Variants in PDSS2 observed in about 807,000 individuals in gnomAD.
PDSS2 encodes decaprenyl diphosphate synthase subunit 2, also known as all trans-polyprenyl-diphosphate synthase PDSS2.
Under a neutral mutation model 44.5 loss-of-function variants are expected in PDSS2, and 31 were observed. The observed-to-expected ratio is 0.70, with a 90% confidence interval of 0.52 to 0.94. The LOEUF is 0.94. Ranked by LOEUF, PDSS2 falls within the 40% of genes least tolerant of loss-of-function variation. The pLI is 0.00. For synonymous variants in PDSS2, 157 were observed against 180.3 expected (o/e 0.87, Z 1.03); for missense variants, 452 against 482.2 (o/e 0.94, Z 0.59).
intron 7 of PDSS2, among the ~76,000 whole-genome samples, chr6:107,178,563 A>C (rs181165464): frequency 6.6e-6 from 1 of 152,364 alleles, no homozygotes; most frequent in East Asian, 1.9e-4. Context: ...CATAAATCCT[A>C]GCACAGTCAT....
chr6:107,241,116 G>T (rs1293900668), intron 4 of PDSS2, among the ~76,000 whole-genome samples: 1 of 151,706 alleles, frequency 6.6e-6, no homozygotes, highest in Non-Finnish European at 1.5e-5. Context: ...AGACGTGGTG[G>T]TGTGTGCCTG....
chr6:107,211,439 G>GAGCT (rs1263201288), intron 5 of PDSS2, among the ~76,000 whole-genome samples: 2 of 151,798 alleles, frequency 1.3e-5, no homozygotes, highest in African/African-American at 4.8e-5. Flanking sequence ...TTTATATAAA[G>GAGCT]AGCTATAAGG....
chr6:107,353,145 A>T (rs1778482881), intron 1 of PDSS2, among the ~76,000 whole-genome samples: 1 of 152,160 alleles, frequency 6.6e-6, no homozygotes, highest in Non-Finnish European at 1.5e-5. Flanking sequence ...AAATACATCA[A>T]GAATAACTTT....
chr6:107,340,991 G>A (rs773441229), intron 1 of PDSS2, among the ~76,000 whole-genome samples: 2 of 152,184 alleles, frequency 1.3e-5, no homozygotes, highest in African/African-American at 2.4e-5. Context: ...GGAGGCATAA[G>A]TGGTTTGTCT....
rs566536049 is a variant in PDSS2, at chr6:107,170,884, A to G, written c.1042-16107T>C. On this transcript the variant is annotated intron_variant, in intron 7 of 7. Transcript: ENST00000369037. ...CACCTCAGCCTCCCAAAGTGCTGGG[A>G]TTACAGGCATGAGCCACTGCACCCA... is the stretch of plus-strand genomic sequence containing the variant. Among the ~76,000 whole-genome samples the G allele has an allele frequency of 5.9e-5, 9 of 151,922 alleles. No individual in the cohort carries two copies. The South Asian group carries it at 1.9e-3, about 32-fold the overall frequency.
chr6:107,326,579 G>A (rs984364694), intron 2 of PDSS2, among the ~76,000 whole-genome samples: 14 of 151,910 alleles, frequency 9.2e-5, no homozygotes, highest in South Asian at 4.2e-4. Context: ...TTGGCTGGGC[G>A]CAGTGGCTCC....
chr6:107,243,397 A>T (rs1274267353), intron 4 of PDSS2, among the ~76,000 whole-genome samples: 1 of 152,242 alleles, frequency 6.6e-6, no homozygotes, highest in Non-Finnish European at 1.5e-5. Context: ...GACATAAAAA[A>T]TACTTAAAAC....
At chr6:107,286,779 T>C (rs1776166899) in intron 2 of PDSS2, among the ~76,000 whole-genome samples, 1 of 152,062 alleles carries the variant, frequency 6.6e-6, no homozygotes, top group African/African-American at 2.4e-5. Context: ...GTGCGGTGGC[T>C]CACACCTGTA....
At chr6:107,326,590 G>A (rs1278261019) in intron 2 of PDSS2, among the ~76,000 whole-genome samples, 1 of 151,782 alleles carries the variant, frequency 6.6e-6, no homozygotes, top group African/African-American at 2.4e-5. Context: ...CAGTGGCTCC[G>A]CCTGTAATCC....
chr6:107,166,525 T>G (rs1291056726), intron 7 of PDSS2, among the ~76,000 whole-genome samples: 4 of 151,984 alleles, frequency 2.6e-5, no homozygotes, highest in Non-Finnish European at 1.5e-5. Flanking sequence ...CCACCACGCC[T>G]GGCTATTTTT....
intron 4 of PDSS2, among the ~76,000 whole-genome samples, chr6:107,231,142 T>C (rs930440445): frequency 1.3e-5 from 2 of 152,236 alleles, no homozygotes; most frequent in Non-Finnish European, 2.9e-5. Flanking sequence ...TGCTACTTTC[T>C]GCAAAGAGAC....
In PDSS2 at chr6:107,281,396, A is replaced by G. The variant is rs763912928; in HGVS notation, c.432-7169T>C. Among the ~76,000 whole-genome samples the G allele has an allele frequency of 3.3e-4, 50 of 152,186 alleles. 1 individual carries two copies. The highest frequency in any genetic ancestry group is 1.8e-4 in the Non-Finnish European group (12 of 68,030). Reference sequence around the variant, plus strand: ...TTAGAGTCTTGTTGTAAGTCTTGTTAGAGTCTTGTTATATGCAGCCAAATA... The same window carrying G: ...TTAGAGTCTTGTTGTAAGTCTTGTTGGAGTCTTGTTATATGCAGCCAAATA... On this transcript the variant is annotated intron_variant, in intron 2 of 7. Coordinates refer to ENST00000369037, the MANE Select transcript of PDSS2 (RefSeq NM_020381.4).
chr6:107,372,902 A>G (rs535051176), intron 1 of PDSS2, among the ~76,000 whole-genome samples: 1 of 152,234 alleles, frequency 6.6e-6, no homozygotes, highest in East Asian at 1.9e-4. Context: ...ATGTTTCTCA[A>G]TGTATACAGG....
At chr6:107,340,589 A>T (rs1349268167) in intron 1 of PDSS2, among the ~76,000 whole-genome samples, 2 of 152,242 alleles carry the variant, frequency 1.3e-5, no homozygotes, top group Non-Finnish European at 2.9e-5. Flanking sequence ...GTAGATTCAA[A>T]GTATGGTTAA....
rs185108580 is a variant in PDSS2, at chr6:107,417,323, T to C, written c.296+41667A>G. Among the ~76,000 whole-genome samples, 169 of 152,320 alleles carry C rather than the reference T, an allele frequency of 1.1e-3. 2 individuals are homozygous for C. Among genetic ancestry groups the C allele is most frequent in the African/African-American group, 4.0e-3 (165 of 41,566 alleles). On this transcript the variant is annotated intron_variant, in intron 1 of 7. Transcript: ENST00000369037. ...ATGACCAATATTGGCAAAGATATAG[T>C]GATACTAGTACTCTCATACATGCTG...
chr6:107,438,497 G>C lies in PDSS2; in HGVS notation c.296+20493C>G, dbSNP rs151196425. Among the ~76,000 whole-genome samples, 210 of 152,286 alleles carry C rather than the reference G, an allele frequency of 1.4e-3. 3 individuals carry two copies. Among genetic ancestry groups the C allele is most frequent in the African/African-American group, 4.8e-3 (199 of 41,560 alleles). ...CCCAAAGTGCTGGGACTACAGGTGT[G>C]AGCCACCATGCCCGGCCTGTTTTGA... On this transcript the variant is annotated intron_variant, in intron 1 of 7. Coordinates refer to ENST00000369037, the MANE Select transcript of PDSS2 (RefSeq NM_020381.4).
At chr6:107,247,095 A>G (rs887510809) in intron 3 of PDSS2, among the ~76,000 whole-genome samples, 2 of 152,170 alleles carry the variant, frequency 1.3e-5, no homozygotes, top group African/African-American at 4.8e-5. Context: ...TAGGTCTATG[A>G]AAGACTGTAA....
At chr6:107,277,387 T>C (rs1428658391) in intron 2 of PDSS2, among the ~76,000 whole-genome samples, 1 of 152,204 alleles carries the variant, frequency 6.6e-6, no homozygotes, top group African/African-American at 2.4e-5. Context: ...GTAAAGGGAC[T>C]GTGTGGATAA....
At chr6:107,329,141 C>T (rs1777637369) in intron 2 of PDSS2, among the ~76,000 whole-genome samples, 1 of 152,220 alleles carries the variant, frequency 6.6e-6, no homozygotes, top group Non-Finnish European at 1.5e-5. Flanking sequence ...GATACAGTAA[C>T]ATGACCCCTT....
Sources: gnomAD v4.1 joint callset for allele counts (sites outside exome capture counted in the v4.1 genomes callset) on GRCh38, gnomAD v4.1.1 for gene constraint, MANE v1.5 for transcripts, NCBI Gene and HGNC (gene_info 2026-07-23, HGNC 2026-07-21) for gene names.